Variants in FAM135B observed in about 807,000 individuals in gnomAD.
FAM135B encodes protein FAM135B.
In FAM135B, 43 loss-of-function variants were observed where a neutral mutation model predicts 127.7. That is an observed-to-expected ratio of 0.34 (90% CI 0.26 to 0.43). The LOEUF is 0.43. FAM135B is among the 20% of genes least tolerant of loss of function. The pLI is 1.00. For synonymous variants in FAM135B, 670 were observed against 665.1 expected, an observed-to-expected ratio of 1.01 and a Z score of -0.11; for missense variants, 1,558 against 1,725.6, an observed-to-expected ratio of 0.90 and a Z score of 1.72.
At chr8:138,336,355 T>A (rs573622203) in intron 2 of FAM135B, among the ~76,000 whole-genome samples, 3 of 151,658 alleles carry the variant, frequency 2.0e-5, no homozygotes, top group African/African-American at 7.3e-5. Context: ...TTGATAGACC[T>A]CTAGCAAGAC....
At chr8:138,466,401 C>T (rs986945102) in intron 1 of FAM135B, among the ~76,000 whole-genome samples, 3 of 152,066 alleles carry the variant, frequency 2.0e-5, no homozygotes, top group East Asian at 1.9e-4. Context: ...AACTGGAAAA[C>T]CCAAGAGATG....
At chr8:138,489,145 A>T (rs1272378923) in intron 1 of FAM135B, among the ~76,000 whole-genome samples, 1 of 152,122 alleles carries the variant, frequency 6.6e-6, no homozygotes, top group East Asian at 1.9e-4. Flanking sequence ...TCTGAGTTTG[A>T]TTGATATTGC....
chr8:138,174,963 A>C (rs1322574521), intron 11 of FAM135B, among the ~76,000 whole-genome samples: 2 of 152,198 alleles, frequency 1.3e-5, no homozygotes, highest in African/African-American at 4.8e-5. Context: ...CACTCAACAT[A>C]GTGAAGACCT....
chr8:138,444,218 C>G (rs995792855), intron 1 of FAM135B, among the ~76,000 whole-genome samples: 2 of 152,142 alleles, frequency 1.3e-5, no homozygotes, highest in African/African-American at 4.8e-5. Flanking sequence ...TTTAACACCC[C>G]ACTGTCAACA....
intron 1 of FAM135B, among the ~76,000 whole-genome samples, chr8:138,433,523 CAATAAATA>C (rs144218276): frequency 0.29 from 40,156 of 140,464 alleles, 5,928 homozygotes; most frequent in Non-Finnish European, 0.31. Context: ...GATTCTGTCT[CAATAAATA>C]AATAAATAAA....
Position 138,141,531 on chromosome 8 carries a change from C to G in FAM135B, c.3639-182G>C, listed in dbSNP as rs1817147187. Among the ~76,000 whole-genome samples, 1 of 152,172 alleles carries G rather than the reference C, an allele frequency of 6.6e-6. No homozygotes were observed. The highest frequency in any genetic ancestry group is 2.1e-4 in the South Asian group (1 of 4,818). On this transcript the variant is annotated intron_variant, in intron 16 of 19. Transcript: ENST00000395297. The surrounding 1 kb of genome is among the most constrained non-coding windows in gnomAD (Gnocchi z 4.7). ...GTTTCAAAACACTGGCCATGAGAAG[C>G]CTGAGATGGGGTCTTTGTGAATGGG...
At chr8:138,442,330 T>C (rs1227596130) in intron 1 of FAM135B, among the ~76,000 whole-genome samples, 1 of 138,574 alleles carries the variant, frequency 7.2e-6, no homozygotes, top group Non-Finnish European at 1.5e-5. Flanking sequence ...ATATGTTTGG[T>C]TGTGTGTCTA....
In FAM135B at chr8:138,178,531, T is replaced by C. The variant is rs2130978812; in HGVS notation, c.1029+4A>G. ...CAGAGAATGCACAGCAGTTGGCCAC[T>C]CACCCTCAGGGTGTGGTGTTCCTGG... is the stretch of plus-strand genomic sequence containing the variant. On this transcript the variant is annotated splice_donor_region_variant and intron_variant, in intron 10 of 19. Coordinates refer to ENST00000395297, the MANE Select transcript of FAM135B (RefSeq NM_015912.4). The C allele has an allele frequency of 6.2e-7, 1 of 1,613,258 alleles. No homozygotes were observed. Among genetic ancestry groups the C allele is most frequent in the South Asian group, 1.1e-5 (1 of 90,938 alleles).
chr8:138,359,802 C>T (rs1013348082), intron 2 of FAM135B, among the ~76,000 whole-genome samples: 1 of 152,138 alleles, frequency 6.6e-6, no homozygotes, highest in African/African-American at 2.4e-5. Flanking sequence ...GGGCATTAGG[C>T]AGTGATGGGA....
chr8:138,466,943 A>C (rs1374960333), intron 1 of FAM135B, among the ~76,000 whole-genome samples: 1 of 152,194 alleles, frequency 6.6e-6, no homozygotes, highest in African/African-American at 2.4e-5. Context: ...AACACATAGA[A>C]ATATGGATTA....
rs563488037 is a variant in FAM135B at position 138,399,128 on chromosome 8, C to T, written c.-19-31126G>A. On this transcript the variant is annotated intron_variant, in intron 1 of 19. Coordinates refer to ENST00000395297, the MANE Select transcript of FAM135B (RefSeq NM_015912.4). Reference sequence around the variant, plus strand: ...ATAGCATTGCATCATTCTAATTAATCCATATGCCTTTTTTTCCCTGGGACA... The same window carrying T: ...ATAGCATTGCATCATTCTAATTAATTCATATGCCTTTTTTTCCCTGGGACA... 7.2e-5 allele frequency among the ~76,000 whole-genome samples: 11 copies of T among 152,248 alleles called. No individual in the cohort carries two copies. In the South Asian group the frequency reaches 2.1e-3, roughly 29 times the overall value.
At position 138,141,468 on chromosome 8, in the gene FAM135B, G is replaced by A; in HGVS notation, c.3639-119C>T. ...ACCTCCCACTGAATGTAGGGGAACT[G>A]GCAAAGAGAACAGGGACTGCCAACT... On this transcript the variant is annotated intron_variant, in intron 16 of 19. Transcript: ENST00000395297. The surrounding 1 kb of genome is among the most constrained non-coding windows in gnomAD (Gnocchi z 4.7). 9.6e-7 allele frequency: 1 copy of A among 1,044,786 alleles called. No homozygotes were observed. The highest frequency in any genetic ancestry group is 1.4e-6 in the Non-Finnish European group (1 of 694,410). 64.7% of individuals were successfully genotyped at this position (1,044,786 alleles called of 1,614,324 possible). A position where few individuals can be genotyped will look rare whatever the true frequency, so the allele number is the denominator to read the frequency against.
At chr8:138,287,767 A>T (rs1392625640) in intron 3 of FAM135B, among the ~76,000 whole-genome samples, 1 of 152,216 alleles carries the variant, frequency 6.6e-6, no homozygotes, top group Admixed American at 6.5e-5. Flanking sequence ...TCTTGTGAGT[A>T]ACACAAGCTG....
At chr8:138,169,945 T>C (rs1362094297) in intron 11 of FAM135B, among the ~76,000 whole-genome samples, 1 of 152,182 alleles carries the variant, frequency 6.6e-6, no homozygotes, top group African/African-American at 2.4e-5. Flanking sequence ...CTAGCAAGTG[T>C]TGAAAAACTG....
rs2130984158 is a variant in FAM135B, at chr8:138,178,694, G to A, written c.874-4C>T. 1.2e-6 allele frequency: 2 copies of A among 1,600,418 alleles called. No individual in the cohort carries two copies. Among genetic ancestry groups the A allele is most frequent in the Non-Finnish European group, 1.7e-6 (2 of 1,172,636 alleles). On this transcript the variant is annotated splice_polypyrimidine_tract_variant and splice_region_variant and intron_variant, in intron 9 of 19. Coordinates refer to ENST00000395297, the MANE Select transcript of FAM135B (RefSeq NM_015912.4). ...TCTTCTCTGGATTGTTCAACATCTG[G>A]AGAGGCAAAAAAGGTGGTATTCAAG...
At chr8:138,364,570 T>C (rs1830625938) in intron 2 of FAM135B, among the ~76,000 whole-genome samples, 1 of 152,124 alleles carries the variant, frequency 6.6e-6, no homozygotes, top group South Asian at 2.1e-4. Flanking sequence ...CTTAAAACCG[T>C]GAAATGCTAG....
chr8:138,167,494 C>G (rs377236867), intron 12 of FAM135B, among the ~76,000 whole-genome samples: 3 of 152,166 alleles, frequency 2.0e-5, no homozygotes, highest in Admixed American at 2.0e-4. Flanking sequence ...CGGCGTCCAG[C>G]CTTTGGCCCA....
At chr8:138,326,059 T>C (rs530620608) in intron 2 of FAM135B, among the ~76,000 whole-genome samples, 5 of 152,286 alleles carry the variant, frequency 3.3e-5, no homozygotes, top group African/African-American at 9.6e-5. Flanking sequence ...AGTGACTGTA[T>C]ATAAAAAAAA....
intron 2 of FAM135B, among the ~76,000 whole-genome samples, chr8:138,329,453 G>C (rs1323309736): frequency 6.6e-6 from 1 of 152,112 alleles, no homozygotes; most frequent in Non-Finnish European, 1.5e-5. Flanking sequence ...ATGTGTGTAG[G>C]AATTTCCATT....
Sources: allele counts gnomAD v4.1 joint callset (sites outside exome capture counted in the v4.1 genomes callset), GRCh38; gene constraint gnomAD v4.1.1; non-coding constraint Gnocchi (gnomAD v3.1); transcripts MANE v1.5; gene names NCBI Gene and HGNC (gene_info 2026-07-23, HGNC 2026-07-21).